The following RBMS3 variants were observed in gnomAD, a reference collection of about 807,000 sequenced individuals.
The protein encoded by RBMS3 is RNA binding motif single stranded interacting protein 3.
In RBMS3, 27 loss-of-function variants were observed where a neutral mutation model predicts 66.8. The observed-to-expected ratio is 0.40, with a 90% confidence interval of 0.30 to 0.56. The LOEUF is 0.56. RBMS3 is among the 20% of genes least tolerant of loss of function. The pLI is 0.40. For synonymous variants in RBMS3, 188 were observed against 183.0 expected (o/e 1.03, Z -0.22); for missense variants, 513 against 549.5 (o/e 0.93, Z 0.66).
At chr3:29,832,126 T>C (rs189718043) in intron 6 of RBMS3, among the ~76,000 whole-genome samples, 301 of 152,306 alleles carry the variant, frequency 2.0e-3, no homozygotes, top group Non-Finnish European at 2.0e-3. Context: ...AAAGATTTAA[T>C]GAGATAATGC....
chr3:29,532,262 G>GTATATATATATATATATATA (rs869225843), intron 3 of RBMS3, among the ~76,000 whole-genome samples: 3 of 62,690 alleles, frequency 4.8e-5, no homozygotes, highest in East Asian at 9.9e-4. Flanking sequence ...ATATATATAT[G>GTATATATATATATATATATA]TATATATATA....
chr3:29,662,592 C>A (rs1361802735), intron 4 of RBMS3, among the ~76,000 whole-genome samples: 2 of 152,176 alleles, frequency 1.3e-5, no homozygotes, highest in Non-Finnish European at 2.9e-5. Flanking sequence ...TATGAGAAAA[C>A]TGGGATTGAA....
In RBMS3 at chr3:29,598,920, G is replaced by C. The variant is rs568987331; in HGVS notation, c.399+11715G>C. On this transcript the variant is annotated intron_variant, in intron 4 of 14. Coordinates refer to ENST00000383767, the MANE Select transcript of RBMS3 (RefSeq NM_001003793.3). ...GTAGGGCAAAATGAAGAAACATTAA[G>C]CTAAGGAGCAAAGAGAACTAAGTGA... is the stretch of plus-strand genomic sequence containing the variant. 1.1e-4 allele frequency among the ~76,000 whole-genome samples: 16 copies of C among 152,066 alleles called. No individual in the cohort carries two copies. In the South Asian group the frequency reaches 2.7e-3, roughly 26 times the overall value.
intron 4 of RBMS3, among the ~76,000 whole-genome samples, chr3:29,611,896 A>G (rs2149134742): frequency 6.6e-6 from 1 of 152,116 alleles, no homozygotes; most frequent in African/African-American, 2.4e-5. Context: ...GTATTTATCC[A>G]AACACAAATG....
chr3:29,378,790 AT>A (rs11414794), intron 1 of RBMS3, among the ~76,000 whole-genome samples: 2 of 152,044 alleles, frequency 1.3e-5, no homozygotes, highest in Non-Finnish European at 1.5e-5. Context: ...TCTTAAAACG[AT>A]TTTTTTCCAG....
chr3:29,332,514 C>G (rs558206121), intron 1 of RBMS3, among the ~76,000 whole-genome samples: 3 of 151,976 alleles, frequency 2.0e-5, no homozygotes, highest in Non-Finnish European at 4.4e-5. Context: ...GTGGAATTAC[C>G]CTGGGCACCA....
chr3:29,902,867 A>G (rs1312894490), intron 10 of RBMS3, among the ~76,000 whole-genome samples: 3 of 151,890 alleles, frequency 2.0e-5, no homozygotes, highest in Middle Eastern at 3.2e-3. Flanking sequence ...TAATGTCTCA[A>G]TCTGGTTTGT....
intron 6 of RBMS3, among the ~76,000 whole-genome samples, chr3:29,793,858 G>A (rs2057092490): frequency 1.3e-5 from 2 of 152,210 alleles, no homozygotes; most frequent in African/African-American, 4.8e-5. Context: ...TGCTGGAGGT[G>A]GAGCTTGGTG....
chr3:29,323,124 T>C (rs1376270057), intron 1 of RBMS3, among the ~76,000 whole-genome samples: 3 of 152,196 alleles, frequency 2.0e-5, no homozygotes, highest in Admixed American at 2.0e-4. Context: ...CTCAGACACA[T>C]TGTCACTGGT....
chr3:29,640,276 A>C (rs2049647277), intron 4 of RBMS3, among the ~76,000 whole-genome samples: 1 of 150,560 alleles, frequency 6.6e-6, no homozygotes, highest in African/African-American at 2.4e-5. Flanking sequence ...ACACACACAC[A>C]CACACACACC....
At chr3:29,796,746 T>A (rs1576830015) in intron 6 of RBMS3, among the ~76,000 whole-genome samples, 1 of 137,360 alleles carries the variant, frequency 7.3e-6, no homozygotes, top group East Asian at 2.1e-4. Flanking sequence ...GGAGTCTTGC[T>A]CTGTCACCCA....
chr3:29,301,892 C>A lies in RBMS3; in HGVS notation c.75+20136C>A, dbSNP rs184526159. 9.9e-5 allele frequency among the ~76,000 whole-genome samples: 15 copies of A among 152,024 alleles called. No homozygotes were observed. The East Asian group carries it at 2.9e-3, about 30-fold the overall frequency. On this transcript the variant is annotated intron_variant, in intron 1 of 14. Transcript: ENST00000383767. Reference sequence around the variant, plus strand: ...GATGCTGATGTTGTGGGTCTGCAAACCAGAGGTGAAATTGCATTGTTGGAA... The same window carrying A: ...GATGCTGATGTTGTGGGTCTGCAAAACAGAGGTGAAATTGCATTGTTGGAA...
chr3:29,626,945 T>C (rs759614536), intron 4 of RBMS3, among the ~76,000 whole-genome samples: 1 of 152,160 alleles, frequency 6.6e-6, no homozygotes, highest in Non-Finnish European at 1.5e-5. Flanking sequence ...CAGTTCAGAA[T>C]GCAAGAAAAA....
intron 1 of RBMS3, among the ~76,000 whole-genome samples, chr3:29,434,086 G>T (rs1417373574): frequency 6.6e-6 from 1 of 152,152 alleles, no homozygotes; most frequent in Non-Finnish European, 1.5e-5. Context: ...TGGGATCCTG[G>T]ATTAGAGTAA....
chr3:29,352,926 C>CT (rs60099747), intron 1 of RBMS3, among the ~76,000 whole-genome samples: 27,238 of 144,524 alleles, frequency 0.19, 2,480 homozygotes, highest in Admixed American at 0.25. Flanking sequence ...TACATTCATT[C>CT]TTTTTTTTTT....
At chr3:29,904,467 C>T (rs2060327924) in intron 10 of RBMS3, among the ~76,000 whole-genome samples, 1 of 151,764 alleles carries the variant, frequency 6.6e-6, no homozygotes, top group Non-Finnish European at 1.5e-5. Context: ...TTCTGGATGT[C>T]AATAAATATG....
intron 4 of RBMS3, among the ~76,000 whole-genome samples, chr3:29,620,444 G>T (rs1025451050): frequency 6.6e-6 from 1 of 151,904 alleles, no homozygotes; most frequent in Non-Finnish European, 1.5e-5. Context: ...CATTGAAGTC[G>T]CCAGTAACTT....
intron 6 of RBMS3, among the ~76,000 whole-genome samples, chr3:29,792,223 A>G (rs759172058): frequency 2.0e-5 from 3 of 152,222 alleles, no homozygotes; most frequent in Non-Finnish European, 4.4e-5. Context: ...ATGTAGAACA[A>G]TATCCAAACA....
intron 2 of RBMS3, among the ~76,000 whole-genome samples, chr3:29,460,150 C>T (rs984873443): frequency 2.0e-5 from 3 of 152,184 alleles, no homozygotes; most frequent in South Asian, 4.1e-4. Context: ...AGCCCTTTCT[C>T]CAGGCTAAAT....
Sources: gnomAD v4.1 joint callset for allele counts (sites outside exome capture counted in the v4.1 genomes callset) on GRCh38, gnomAD v4.1.1 for gene constraint, MANE v1.5 for transcripts, NCBI Gene and HGNC (gene_info 2026-07-23, HGNC 2026-07-21) for gene names.